CHD5: variants seen among roughly 807,000 people sequenced by gnomAD.
The protein encoded by CHD5 is ATP-dependent chromatin remodeler CHD5.
In CHD5, 69 loss-of-function variants were observed where a neutral mutation model predicts 230.3. The observed-to-expected ratio is 0.30, with a 90% confidence interval of 0.25 to 0.37. The LOEUF is 0.37. Among genes scored for constraint, CHD5 ranks in the 10% least tolerant of loss-of-function variants. The probability of loss-of-function intolerance (pLI) is 1.00; values close to 1 mark genes in which losing one functional copy is unlikely to be tolerated. For synonymous variants in CHD5, 1,064 were observed against 1,065.9 expected, an observed-to-expected ratio of 1.00 and a Z score of 0.03; for missense variants, 1,827 against 2,622.8, an observed-to-expected ratio of 0.70 and a Z score of 6.63.
intron 5 of CHD5, among the ~76,000 whole-genome samples, chr1:6,152,780 C>T (rs139805978): frequency 0.013 from 2,004 of 152,328 alleles, 37 homozygotes; most frequent in African/African-American, 0.045. Context: ...TGCCCCTTGT[C>T]CATGACCCAC....
rs368778928 is a variant in CHD5, at chr1:6,112,261, C to T, written c.5019G>A (p.Glu1673=). 7.4e-6 allele frequency: 12 copies of T among 1,614,072 alleles called. No homozygotes were observed. Among genetic ancestry groups the T allele is most frequent in the Non-Finnish European group, 9.3e-6 (11 of 1,180,032 alleles). Residue 1673 remains glutamate, a synonymous_variant, in exon 35 of 42, where the codon GAG becomes GAA. Transcript: ENST00000262450. Reference sequence around the variant, plus strand: ...GCTGTGTTTCAATGGGCTCCTTCTCCTCAGCCTTGGTGTCATCTGCCGGGG... The same window carrying T: ...GCTGTGTTTCAATGGGCTCCTTCTCTTCAGCCTTGGTGTCATCTGCCGGGG... ...SELRPDDTKA[E]EKEPIETQQN...
At chr1:6,150,367 A>AGGATGGAT (rs373764965) in intron 7 of CHD5, among the ~76,000 whole-genome samples, 161 of 116,118 alleles carry the variant, frequency 1.4e-3, no homozygotes, top group South Asian at 2.1e-3. Flanking sequence ...GATGGACAAA[A>AGGATGGAT]GGATGGATGG....
In CHD5 at chr1:6,102,853, C is replaced by A. The variant is rs1207328804; in HGVS notation, c.*2621G>T. On this transcript the variant is annotated 3_prime_UTR_variant, in exon 42 of 42. Coordinates refer to ENST00000262450, the MANE Select transcript of CHD5 (RefSeq NM_015557.3). ...CTGCCTCAGGCGTGTATGAGAGGGCCCTGCAGACGTGCTCACTCCACCCCG... is the reference window on the plus strand; with the variant it reads ...CTGCCTCAGGCGTGTATGAGAGGGCACTGCAGACGTGCTCACTCCACCCCG... The A allele has an allele frequency of 1.3e-5, 2 of 152,306 alleles. No homozygotes were observed. Among genetic ancestry groups the A allele is most frequent in the African/African-American group, 4.8e-5 (2 of 41,440 alleles). 9.4% of individuals were successfully genotyped at this position (152,306 alleles called of 1,614,324 possible).
rs371101624 is a variant in CHD5, at chr1:6,155,588, G to A, written c.506+11C>T. On this transcript the variant is annotated intron_variant, in intron 4 of 41. Transcript: ENST00000262450. The surrounding 1 kb of genome is among the most constrained non-coding windows in gnomAD (Gnocchi z 4.0). ...TGCGGGCCTGGAGAACAGCCCTAGT[G>A]CCCCGCCCACCTGAGGAACTGGCTG... 45 of 1,605,344 alleles carry A rather than the reference G, an allele frequency of 2.8e-5. No individual in the cohort carries two copies. The highest frequency in any genetic ancestry group is 3.7e-5 in the Non-Finnish European group (43 of 1,172,254).
rs184563712 is a variant in CHD5, at chr1:6,138,247, G to T, written c.2437-1382C>A. Among the ~76,000 whole-genome samples the T allele has an allele frequency of 4.3e-3, 655 of 151,526 alleles. 3 individuals are homozygous for T. Among genetic ancestry groups the T allele is most frequent in the African/African-American group, 0.014 (600 of 41,458 alleles). On this transcript the variant is annotated intron_variant, in intron 15 of 41. Coordinates refer to ENST00000262450, the MANE Select transcript of CHD5 (RefSeq NM_015557.3). ...CAAAAATCAGCCAGGCGTGTTGGTG[G>T]ACATCTGTAGTCCCAGCTACTCAGG...
chr1:6,147,951 T>C (rs1356763855), intron 9 of CHD5, among the ~76,000 whole-genome samples: 1 of 151,328 alleles, frequency 6.6e-6, no homozygotes, highest in African/African-American at 2.4e-5. Flanking sequence ...CCTACCCCCA[T>C]CCCAGCCCCT....
At chr1:6,122,875 G>C (rs1013547264) in intron 31 of CHD5, among the ~76,000 whole-genome samples, 1 of 152,152 alleles carries the variant, frequency 6.6e-6, no homozygotes, top group Non-Finnish European at 1.5e-5. Flanking sequence ...TTCAAGACCA[G>C]CCTGGCCAAC....
Position 6,125,024 on chromosome 1 carries a change from G to T in CHD5, c.4394+76C>A. The T allele has an allele frequency of 7.2e-7, 1 of 1,394,892 alleles. No individual in the cohort carries two copies. Among genetic ancestry groups the T allele is most frequent in the Non-Finnish European group, 9.5e-7 (1 of 1,051,702 alleles). The allele number at this position is 1,394,892 out of a possible 1,614,324, so 86.4% of individuals were successfully genotyped here. ...CTGGCGGAAGCAAATGCTGCCCTCT[G>T]TGGGGCTCACCCGCAGGACCCTGCC... is the stretch of plus-strand genomic sequence containing the variant. On this transcript the variant is annotated intron_variant, in intron 29 of 41. Coordinates refer to ENST00000262450, the MANE Select transcript of CHD5 (RefSeq NM_015557.3). This position sits in a 1 kb window ranked among gnomAD's most constrained non-coding sequence, Gnocchi z 6.7.
chr1:6,155,705 A>C lies in CHD5; in HGVS notation c.400T>G (p.Ser134Ala). ...DDGCLKEPKS[S>A]GQLMAEWGLD... Reference sequence around the variant, plus strand: ...CCCCACTCGGCCATGAGCTGCCCCGAGGACTTGGGCTCCTACAGAGACCCA... The same window carrying C: ...CCCCACTCGGCCATGAGCTGCCCCGCGGACTTGGGCTCCTACAGAGACCCA... Residue 134 changes from serine (S) to alanine (A), a missense_variant, in exon 4 of 42, where the codon TCG (serine) becomes GCG (alanine). This residue lies in a region of CHD5 where 657 missense variants were observed against 816.4 expected (regional missense o/e 0.80). Coordinates refer to ENST00000262450, the MANE Select transcript of CHD5 (RefSeq NM_015557.3). The surrounding 1 kb of genome is among the most constrained non-coding windows in gnomAD (Gnocchi z 4.0). 1 of 1,613,830 alleles carries C rather than the reference A, an allele frequency of 6.2e-7. No individual in the cohort carries two copies. The highest frequency in any genetic ancestry group is 1.1e-5 in the South Asian group (1 of 91,058).
At position 6,121,293 on chromosome 1, in the gene CHD5, G is replaced by T; in HGVS notation, c.4780-56C>A. ...GCCTGGGGCCTCACCAGGAACGGAG[G>T]GCGGGGAACGTGCGCTGGGCTGGGA... On this transcript the variant is annotated intron_variant, in intron 32 of 41. Coordinates refer to ENST00000262450, the MANE Select transcript of CHD5 (RefSeq NM_015557.3). The surrounding 1 kb of genome is among the most constrained non-coding windows in gnomAD (Gnocchi z 4.5). The T allele has an allele frequency of 6.3e-7, 1 of 1,582,772 alleles. No individual in the cohort carries two copies. The highest frequency in any genetic ancestry group is 8.6e-7 in the Non-Finnish European group (1 of 1,165,580).
rs1004645152 is a variant in CHD5 at position 6,130,752 on chromosome 1, C to T, written c.3263-424G>A. ...CCGGGAAAACTCAGGGGCGCAGCTC[C>T]GGGACCTGGGGTCCCACCCCACTGG... is the stretch of plus-strand genomic sequence containing the variant. On this transcript the variant is annotated intron_variant, in intron 21 of 41. Coordinates refer to ENST00000262450, the MANE Select transcript of CHD5 (RefSeq NM_015557.3). The surrounding 1 kb of genome is among the most constrained non-coding windows in gnomAD (Gnocchi z 4.9). Among the ~76,000 whole-genome samples the T allele has an allele frequency of 2.6e-5, 4 of 152,318 alleles. No homozygotes were observed. Among genetic ancestry groups the T allele is most frequent in the South Asian group, 2.1e-4 (1 of 4,828 alleles).
intron 1 of CHD5, among the ~76,000 whole-genome samples, chr1:6,172,110 C>G (rs72632559): frequency 1.6e-4 from 25 of 152,362 alleles, no homozygotes; most frequent in Non-Finnish European, 3.4e-4. Context: ...CAGCTCAGCC[C>G]TGTGGGACCC....
At chr1:6,138,171 T>C (rs895715221) in intron 15 of CHD5, among the ~76,000 whole-genome samples, 1 of 151,838 alleles carries the variant, frequency 6.6e-6, no homozygotes, top group African/African-American at 2.4e-5. Flanking sequence ...AGGCTAGGAG[T>C]TGGAGACCAG....
At chr1:6,136,153 G>A (rs12021895) in intron 17 of CHD5, among the ~76,000 whole-genome samples, 2 of 151,874 alleles carry the variant, frequency 1.3e-5, no homozygotes, top group African/African-American at 2.4e-5. Context: ...TCCGGCCACC[G>A]GGGAGCTTGC....
chr1:6,162,153 GGGCAGATCACCTAAGGTT>G (rs1667189029), intron 2 of CHD5, among the ~76,000 whole-genome samples: 1 of 152,126 alleles, frequency 6.6e-6, no homozygotes, highest in African/African-American at 2.4e-5. Context: ...AGGCCGAGGC[GGGCAGATCACCTAAGGTT>G]GGGAGCTCAA....
intron 12 of CHD5, 36 bp downstream of exon 12, chr1:6,143,975 GAGCAGGTCCCGGC>G: frequency 5.0e-6 from 8 of 1,614,106 alleles, no homozygotes; most frequent in Non-Finnish European, 6.8e-6. Context: ...CTCAGCCCAG[GAGCAGGTCCCGGC>G]AGCCTGTGCC....
At chr1:6,109,045 G>A (rs1011563733) in intron 38 of CHD5, among the ~76,000 whole-genome samples, 2 of 152,000 alleles carry the variant, frequency 1.3e-5, no homozygotes, top group Non-Finnish European at 2.9e-5. Flanking sequence ...GCCCTCCCAA[G>A]CTGCAGGCAG....
In CHD5 at chr1:6,134,072, C is replaced by A. The variant is rs1275037721; in HGVS notation, c.3144+56G>T. 3 of 1,568,834 alleles carry A rather than the reference C, an allele frequency of 1.9e-6. No individual in the cohort carries two copies. The African/African-American group carries it at 4.1e-5, about 21-fold the overall frequency. ...AAGTTTGCGCCCCCAAGCATCAGGG[C>A]AGGATGCTCTCTGTGGGGTGTGGAG... On this transcript the variant is annotated intron_variant, in intron 20 of 41. Coordinates refer to ENST00000262450, the MANE Select transcript of CHD5 (RefSeq NM_015557.3). This position sits in a 1 kb window ranked among gnomAD's most constrained non-coding sequence, Gnocchi z 6.3.
Position 6,131,516 on chromosome 1 carries a change from C to A in CHD5, c.3262+115G>T. ...ACTCGGACTGGCCTGCTGTCTTTAG[C>A]TGTTTGTGAGGCTGCTCAACACAAC... On this transcript the variant is annotated intron_variant, in intron 21 of 41. Coordinates refer to ENST00000262450, the MANE Select transcript of CHD5 (RefSeq NM_015557.3). This position sits in a 1 kb window ranked among gnomAD's most constrained non-coding sequence, Gnocchi z 5.0. 1 of 651,236 alleles carries A rather than the reference C, an allele frequency of 1.5e-6. No individual in the cohort carries two copies. Among genetic ancestry groups the A allele is most frequent in the Non-Finnish European group, 2.8e-6 (1 of 356,346 alleles). 40.3% of individuals were successfully genotyped at this position (651,236 alleles called of 1,614,324 possible). A position where few individuals can be genotyped will look rare whatever the true frequency, so the allele number is the denominator to read the frequency against.
Sources: allele counts gnomAD v4.1 joint callset (sites outside exome capture counted in the v4.1 genomes callset), GRCh38; gene constraint gnomAD v4.1.1; regional missense constraint gnomAD v4.1.1; non-coding constraint Gnocchi (gnomAD v3.1); transcripts MANE v1.5; gene names NCBI Gene and HGNC (gene_info 2026-07-23, HGNC 2026-07-21).